Variants in DMD observed in about 807,000 individuals in gnomAD.
The protein encoded by DMD is mutant dystrophin.
In DMD, 63 loss-of-function variants were observed where a neutral mutation model predicts 330.1. The ratio of observed to expected loss-of-function variants is 0.19; its 90% CI spans 0.16 to 0.24. The LOEUF (loss-of-function observed/expected upper bound fraction) is 0.24. Ranked by LOEUF, DMD falls within the 10% of genes least tolerant of loss-of-function variation. The pLI is 1.00. For synonymous variants in DMD, 1,223 were observed against 959.8 expected (o/e 1.27, Z -5.07); for missense variants, 3,344 against 2,684.1 (o/e 1.25, Z -5.43).
At chrX:32,548,755 C>T (rs1016652112) in intron 16 of DMD, among the ~76,000 whole-genome samples, 31 of 111,294 alleles carry the variant, frequency 2.8e-4, no homozygotes, top group African/African-American at 1.0e-3. Flanking sequence ...GAAAGTTTTG[C>T]CAAACTGTTT....
chrX:32,772,661 T>C (rs770544855), intron 7 of DMD, among the ~76,000 whole-genome samples: 35 of 111,261 alleles, frequency 3.1e-4, no homozygotes, highest in Non-Finnish European at 4.0e-4. Flanking sequence ...ATATTCTGAG[T>C]TGATCATTTC....
intron 44 of DMD, among the ~76,000 whole-genome samples, chrX:32,164,141 G>A (rs1029604183): frequency 9.0e-6 from 1 of 111,220 alleles, no homozygotes; most frequent in Non-Finnish European, 1.9e-5. Context: ...AGGGGTGGAG[G>A]CAAGCAGATC....
chrX:32,565,178 T>C (rs1275605940), intron 16 of DMD, among the ~76,000 whole-genome samples: 1 of 111,712 alleles, frequency 9.0e-6, no homozygotes, highest in African/African-American at 3.3e-5. Context: ...GCCACATTCA[T>C]AATTTTATGA....
At chrX:32,615,987 G>A (rs1442431985) in intron 11 of DMD, among the ~76,000 whole-genome samples, 2 of 110,997 alleles carry the variant, frequency 1.8e-5, no homozygotes, top group Non-Finnish European at 3.8e-5. Context: ...GGCTATGACA[G>A]TTTCTCAGAA....
At chrX:33,086,747 G>GTA (rs776832827) in intron 1 of DMD, among the ~76,000 whole-genome samples, 1 of 108,382 alleles carries the variant, frequency 9.2e-6, no homozygotes, top group South Asian at 3.8e-4. Flanking sequence ...ATCTCTTAGT[G>GTA]TATATATACA....
chrX:32,695,765 TATTAA>T (rs1282637456), intron 9 of DMD, among the ~76,000 whole-genome samples: 1 of 111,878 alleles, frequency 8.9e-6, no homozygotes, highest in African/African-American at 3.2e-5. Context: ...ATTAAATTAT[TATTAA>T]ATTATGTTGA....
rs146072500 is a variant in DMD at position 32,650,502 on chromosome X, A to G, written c.961-5350T>C. On this transcript the variant is annotated intron_variant, in intron 9 of 78. Coordinates refer to ENST00000357033, the MANE Select transcript of DMD (RefSeq NM_004006.3). ...AACCAAGCGGTTCTTTCACTAAATAACAGAAGAGCATTTCTGAACAACCAG... is the reference window on the plus strand; with the variant it reads ...AACCAAGCGGTTCTTTCACTAAATAGCAGAAGAGCATTTCTGAACAACCAG... Among the ~76,000 whole-genome samples, 366 of 111,782 alleles carry G rather than the reference A, an allele frequency of 3.3e-3. 1 individual carries two copies. Among genetic ancestry groups the G allele is most frequent in the Non-Finnish European group, 4.9e-3 (261 of 53,179 alleles).
intron 41 of DMD, among the ~76,000 whole-genome samples, chrX:32,315,791 C>A (rs892610006): frequency 2.7e-5 from 3 of 111,452 alleles, no homozygotes; most frequent in Non-Finnish European, 3.8e-5. Flanking sequence ...AAACTAAAAA[C>A]CATTTTCACC....
chrX:33,059,307 CAG>C (rs1321285593), intron 1 of DMD, among the ~76,000 whole-genome samples: 10 of 111,081 alleles, frequency 9.0e-5, no homozygotes, highest in Non-Finnish European at 1.9e-4. Flanking sequence ...ATCCCTTATT[CAG>C]AGACTCTCAT....
intron 62 of DMD, among the ~76,000 whole-genome samples, chrX:31,305,879 T>G (rs1341049101): frequency 1.8e-5 from 2 of 112,627 alleles, no homozygotes; most frequent in Non-Finnish European, 3.7e-5. Context: ...CTAGTTATAC[T>G]TGGCTAATTT....
At chrX:32,557,898 A>C (rs969161272) in intron 16 of DMD, among the ~76,000 whole-genome samples, 2 of 110,296 alleles carry the variant, frequency 1.8e-5, no homozygotes, top group African/African-American at 6.6e-5. Context: ...GGTAACTAAA[A>C]TTTACTATTA....
At chrX:32,405,191 G>A (rs2098110826) in intron 30 of DMD, among the ~76,000 whole-genome samples, 1 of 111,812 alleles carries the variant, frequency 8.9e-6, no homozygotes, top group Non-Finnish European at 1.9e-5. Flanking sequence ...CAAAAATTCT[G>A]AAGACCAAAT....
intron 48 of DMD, among the ~76,000 whole-genome samples, chrX:31,854,900 C>T (rs2093590077): frequency 9.0e-6 from 1 of 111,157 alleles, no homozygotes; most frequent in African/African-American, 3.3e-5. Flanking sequence ...CACAAGATGC[C>T]AGTAGCACTT....
rs1304289015 is a variant in DMD at position 32,653,467 on chromosome X, T to C, written c.961-8315A>G. On this transcript the variant is annotated intron_variant, in intron 9 of 78. Coordinates refer to ENST00000357033, the MANE Select transcript of DMD (RefSeq NM_004006.3). Reference sequence around the variant, plus strand: ...AGGTTTGTCAAAGATCAGATAGTAGTAGATATGTGGCATTATTTCTGAGGG... The same window carrying C: ...AGGTTTGTCAAAGATCAGATAGTAGCAGATATGTGGCATTATTTCTGAGGG... 3.6e-5 allele frequency among the ~76,000 whole-genome samples: 4 copies of C among 111,838 alleles called. No individual in the cohort carries two copies. In the East Asian group the frequency reaches 1.1e-3, roughly 32 times the overall value.
At chrX:32,782,584 A>C (rs1239369084) in intron 7 of DMD, among the ~76,000 whole-genome samples, 1 of 111,492 alleles carries the variant, frequency 9.0e-6, no homozygotes, top group African/African-American at 3.3e-5. Flanking sequence ...AGATGAGAAT[A>C]ACTTGAACTA....
chrX:32,196,611 G>A (rs1019661887), intron 44 of DMD, among the ~76,000 whole-genome samples: 3 of 111,267 alleles, frequency 2.7e-5, no homozygotes, highest in African/African-American at 9.8e-5. Flanking sequence ...TATCTCCAAT[G>A]TTCAATCTAT....
At chrX:32,567,191 G>C (rs1355601423) in intron 15 of DMD, among the ~76,000 whole-genome samples, 1 of 111,745 alleles carries the variant, frequency 8.9e-6, no homozygotes, top group East Asian at 2.8e-4. Flanking sequence ...GCTTCACCTG[G>C]AGTATGTTAT....
chrX:32,665,046 C>CA (rs2061216373), intron 9 of DMD, among the ~76,000 whole-genome samples: 1 of 112,072 alleles, frequency 8.9e-6, no homozygotes, highest in Non-Finnish European at 1.9e-5. Flanking sequence ...CCTACATTTA[C>CA]TTAAGTTACT....
chrX:32,586,748 T>C (rs2054333328), intron 13 of DMD, among the ~76,000 whole-genome samples: 1 of 110,980 alleles, frequency 9.0e-6, no homozygotes, highest in Non-Finnish European at 1.9e-5. Context: ...TTGTCACACA[T>C]CTGAATACCA....
Sources: gnomAD v4.1 joint callset for allele counts (sites outside exome capture counted in the v4.1 genomes callset) on GRCh38, gnomAD v4.1.1 for gene constraint, MANE v1.5 for transcripts, NCBI Gene and HGNC (gene_info 2026-07-23, HGNC 2026-07-21) for gene names.